RBM20: variants seen among roughly 807,000 people sequenced by gnomAD.
The protein encoded by RBM20 is RNA binding motif protein 20, also known as RNA-binding protein 20.
In RBM20, 51 loss-of-function variants were observed where a neutral mutation model predicts 110.1. The observed-to-expected ratio is 0.46, with a 90% CI of 0.37 to 0.59. The LOEUF is 0.59. Among genes scored for constraint, RBM20 ranks in the 20% least tolerant of loss-of-function variants. The pLI, the probability that RBM20 is intolerant of heterozygous loss-of-function variation, is 0.00. For missense variants in RBM20, 1,512 were observed against 1,574.9 expected (o/e 0.96, Z 0.68); for synonymous variants, 589 against 618.2 (o/e 0.95, Z 0.70).
intron 1 of RBM20, among the ~76,000 whole-genome samples, chr10:110,647,324 G>A (rs1861883323): frequency 6.6e-6 from 1 of 152,182 alleles, no homozygotes; most frequent in Non-Finnish European, 1.5e-5. Context: ...ATTGCATCTA[G>A]AGTTAATTTC....
chr10:110,680,231 G>A (rs924948917), intron 1 of RBM20, among the ~76,000 whole-genome samples: 1 of 152,114 alleles, frequency 6.6e-6, no homozygotes, highest in African/African-American at 2.4e-5. Context: ...TGGGTGGTGG[G>A]TTTGCTCCTT....
intron 8 of RBM20, among the ~76,000 whole-genome samples, chr10:110,811,571 C>A (rs1475613893): frequency 6.6e-6 from 1 of 152,152 alleles, no homozygotes; most frequent in African/African-American, 2.4e-5. Context: ...AAGTCTTGTT[C>A]TGAACCTTAC....
intron 1 of RBM20, among the ~76,000 whole-genome samples, chr10:110,745,975 G>A (rs981112803): frequency 6.6e-6 from 1 of 152,124 alleles, no homozygotes; most frequent in African/African-American, 2.4e-5. Context: ...AGCCACCCCA[G>A]AACTTAATGA....
At chr10:110,811,944 G>A (rs973163251) in intron 8 of RBM20, among the ~76,000 whole-genome samples, 1 of 152,124 alleles carries the variant, frequency 6.6e-6, no homozygotes, top group Non-Finnish European at 1.5e-5. Context: ...GAGAGTCAGA[G>A]GTCCGCTCCC....
chr10:110,710,070 GA>G (rs1862901582), intron 1 of RBM20, among the ~76,000 whole-genome samples: 1 of 152,116 alleles, frequency 6.6e-6, no homozygotes, highest in South Asian at 2.1e-4. Context: ...TTCATATGAA[GA>G]AAGAGTTCAT....
intron 1 of RBM20, among the ~76,000 whole-genome samples, chr10:110,748,665 TTC>T (rs151057897): frequency 3.3e-5 from 5 of 150,980 alleles, no homozygotes; most frequent in Non-Finnish European, 4.4e-5. Flanking sequence ...TAGTTATATC[TTC>T]TCTCTCTCTC....
At chr10:110,814,011 T>C (rs756854290) in intron 9 of RBM20, among the ~76,000 whole-genome samples, 23 of 152,136 alleles carry the variant, frequency 1.5e-4, no homozygotes, top group Non-Finnish European at 2.5e-4. Context: ...GAGCCTTCTA[T>C]ATTTAAGTAG....
At chr10:110,703,677 C>T (rs182729170) in intron 1 of RBM20, among the ~76,000 whole-genome samples, 38 of 152,314 alleles carry the variant, frequency 2.5e-4, no homozygotes, top group Non-Finnish European at 4.6e-4. Context: ...GCACTACAGT[C>T]GAGATACTAA....
Position 110,797,303 on chromosome 10 carries a change from A to G in RBM20, c.1528-205A>G, listed in dbSNP as rs74788397. The stretch of plus-strand genomic sequence containing the variant: ...GTGAGACCCGGTCTCAAAAATATAT[A>G]TATATATAATGAATCCTTTTGTAAA... On this transcript the variant is annotated intron_variant, in intron 5 of 13. Coordinates refer to ENST00000369519, the MANE Select transcript of RBM20 (RefSeq NM_001134363.3). Among the ~76,000 whole-genome samples, 5,122 of 152,200 alleles carry G rather than the reference A, an allele frequency of 0.034. 126 individuals carry two copies. Among genetic ancestry groups the G allele is most frequent in the Middle Eastern group, 0.054 (16 of 294 alleles).
At chr10:110,677,929 G>A (rs1862362907) in intron 1 of RBM20, among the ~76,000 whole-genome samples, 1 of 152,074 alleles carries the variant, frequency 6.6e-6, no homozygotes, top group Non-Finnish European at 1.5e-5. Flanking sequence ...TAACCCTCGG[G>A]GAACTTCATT....
At chr10:110,660,539 C>G (rs757369930) in intron 1 of RBM20, among the ~76,000 whole-genome samples, 1 of 152,192 alleles carries the variant, frequency 6.6e-6, no homozygotes, top group African/African-American at 2.4e-5. Context: ...CTCCATCACT[C>G]GCATTACTGC....
rs201148126 is a variant in RBM20 at position 110,781,459 on chromosome 10, G to A, written c.850G>A (p.Gly284Arg). Reference sequence around the variant, plus strand: ...AGCTGCCTTTTCCAAAGATTTTTACGGACCCAACTCCCAAGGTTCACATGT... The same window carrying A: ...AGCTGCCTTTTCCAAAGATTTTTACAGACCCAACTCCCAAGGTTCACATGT... ...GQAAFSKDFY[G>R]PNSQGSHVAS... Residue 284 changes from glycine (G) to arginine (R), a missense_variant, in exon 2 of 14, where the codon GGA becomes AGA. By Grantham distance (125) the Gly-to-Arg change is moderately radical. Coordinates refer to ENST00000369519, the MANE Select transcript of RBM20 (RefSeq NM_001134363.3). The A allele has an allele frequency of 9.1e-4, 1,412 of 1,551,332 alleles. 1 individual carries two copies. The highest frequency in any genetic ancestry group is 1.2e-3 in the Non-Finnish European group (1,350 of 1,146,996).
At chr10:110,680,140 G>A (rs1489829056) in intron 1 of RBM20, among the ~76,000 whole-genome samples, 1 of 152,122 alleles carries the variant, frequency 6.6e-6, no homozygotes, top group Admixed American at 6.5e-5. Flanking sequence ...TGTCATGCAG[G>A]CTGTCCTGGG....
chr10:110,669,299 G>A (rs1027048567), intron 1 of RBM20, among the ~76,000 whole-genome samples: 7 of 152,138 alleles, frequency 4.6e-5, no homozygotes, highest in Admixed American at 1.3e-4. Context: ...TGCGTGTGGC[G>A]GGGTAGGGGG....
chr10:110,716,922 AG>A (rs1361222045), intron 1 of RBM20, among the ~76,000 whole-genome samples: 2 of 82,022 alleles, frequency 2.4e-5, no homozygotes, highest in African/African-American at 1.1e-4. Context: ...AAAAAAAAAA[AG>A]AAAAAAAAAA....
At chr10:110,821,125 G>A (rs1844902970) in intron 10 of RBM20, 150 bp from the exon 11 acceptor site, 1 of 656,530 alleles carries the variant, frequency 1.5e-6, no homozygotes, top group Non-Finnish European at 2.6e-6. Flanking sequence ...TTGGTGCCGT[G>A]GGACTTGAGT....
In RBM20 at chr10:110,797,710, C is replaced by G. The variant is rs370804948; in HGVS notation, c.1668+62C>G. On this transcript the variant is annotated intron_variant, in intron 6 of 13. Transcript: ENST00000369519. ...CAGACCACACATTAGTGAAAGGGAACGATATAATTTTTGAAAGAAGCCATT... is the reference window on the plus strand; with the variant it reads ...CAGACCACACATTAGTGAAAGGGAAGGATATAATTTTTGAAAGAAGCCATT... 11 of 1,482,206 alleles carry G rather than the reference C, an allele frequency of 7.4e-6. No individual in the cohort carries two copies. In the African/African-American group the frequency reaches 1.3e-4, roughly 17 times the overall value. The allele number at this position is 1,482,206 out of a possible 1,614,324, so 91.8% of individuals were successfully genotyped here. A position where few individuals can be genotyped will look rare whatever the true frequency, so the allele number is the denominator to read the frequency against.
intron 7 of RBM20, among the ~76,000 whole-genome samples, chr10:110,804,368 T>A (rs1422328442): frequency 2.0e-5 from 3 of 152,130 alleles, no homozygotes; most frequent in African/African-American, 4.8e-5. Context: ...TGTATCCATG[T>A]GTGTCTCTGG....
chr10:110,812,804 A>G lies in RBM20; in HGVS notation c.2407A>G (p.Lys803Glu). 3 of 1,550,906 alleles carry G rather than the reference A, an allele frequency of 1.9e-6. No individual in the cohort carries two copies. In the South Asian group the frequency reaches 3.6e-5, roughly 18 times the overall value. The stretch of plus-strand genomic sequence containing the variant: ...ACACCCCCATCCGGATGACTCAGGC[A>G]AGGAAGATGGGCTGGGGCCAAAGGT... Reference protein sequence around the residue: ...SRHPHPDDSGKEDGLGPKVTR... With the variant: ...SRHPHPDDSGEEDGLGPKVTR... Residue 803 changes from lysine to glutamate, a missense_variant, in exon 9 of 14, where the codon AAG becomes GAG. Lys to Glu is a moderately conservative substitution (Grantham distance 56). Transcript: ENST00000369519.
Sources: gnomAD v4.1 joint callset for allele counts (sites outside exome capture counted in the v4.1 genomes callset) on GRCh38, gnomAD v4.1.1 for gene constraint, MANE v1.5 for transcripts, NCBI Gene and HGNC (gene_info 2026-07-23, HGNC 2026-07-21) for gene names.